The following LACTB2 variants were observed in gnomAD, a reference collection of about 807,000 sequenced individuals.
The protein encoded by LACTB2 is endoribonuclease LACTB2.
LACTB2 carries 32 observed loss-of-function variants against 34.8 expected under a neutral mutation model. The observed-to-expected ratio is 0.92, with a 90% CI of 0.69 to 1.24. The LOEUF is 1.24. Ranked by LOEUF, LACTB2 falls within the 50% of genes most tolerant of loss-of-function variation. The probability of loss-of-function intolerance (pLI) is 0.00; values close to 1 mark genes in which losing one functional copy is unlikely to be tolerated. For synonymous variants in LACTB2, 120 were observed against 117.5 expected, an observed-to-expected ratio of 1.02 and a Z score of -0.14; for missense variants, 320 against 345.0, an observed-to-expected ratio of 0.93 and a Z score of 0.57.
Position 70,638,643 on chromosome 8 carries a change from G to A in LACTB2, c.742-14C>T, listed in dbSNP as rs747945693. The stretch of plus-strand genomic sequence containing the variant: ...CTCAGGAGTATTCTAAAAGAAAAAT[G>A]AAGGTGAAAAAAATTCCTTTTTTTT... On this transcript the variant is annotated splice_polypyrimidine_tract_variant and intron_variant, in intron 5 of 6. Transcript: ENST00000276590. 2 of 1,352,420 alleles carry A rather than the reference G, an allele frequency of 1.5e-6. No individual in the cohort carries two copies. Among genetic ancestry groups the A allele is most frequent in the Middle Eastern group, 2.3e-4 (1 of 4,360 alleles). The allele number at this position is 1,352,420 out of a possible 1,614,324, so 83.8% of individuals were successfully genotyped here.
rs180986456 is a variant in LACTB2 at position 70,650,085 on chromosome 8, G to A, written c.414-5842C>T. Among the ~76,000 whole-genome samples, 1,165 of 152,086 alleles carry A rather than the reference G, an allele frequency of 7.7e-3. 4 individuals are homozygous for A. The highest frequency in any genetic ancestry group is 0.014 in the Middle Eastern group (4 of 294). ...GCAGCCTTGAACTCCTGGCATCAAG[G>A]GATCCTCCCACCTTCATCTCCCAAA... On this transcript the variant is annotated intron_variant, in intron 3 of 6. Transcript: ENST00000276590.
At chr8:70,645,387 G>A (rs907609383) in intron 3 of LACTB2, among the ~76,000 whole-genome samples, 5 of 152,080 alleles carry the variant, frequency 3.3e-5, no homozygotes, top group Admixed American at 3.3e-4. Flanking sequence ...CATAGCAGAT[G>A]GCACAAAATT....
intron 5 of LACTB2, 197 bp downstream of exon 5, chr8:70,640,705 C>T (rs1309403552): frequency 2.1e-5 from 10 of 485,950 alleles, no homozygotes; most frequent in Admixed American, 1.4e-4. Flanking sequence ...AATGATGGCT[C>T]GAAATGGCTA....
intron 4 of LACTB2, among the ~76,000 whole-genome samples, chr8:70,642,385 C>T (rs576370623): frequency 2.0e-5 from 3 of 152,188 alleles, no homozygotes; most frequent in African/African-American, 7.2e-5. Context: ...GTTGAAGATA[C>T]TGGATGGACG....
chr8:70,657,642 G>C (rs887441960), intron 3 of LACTB2, 114 bp downstream of exon 3: 9 of 1,020,888 alleles, frequency 8.8e-6, no homozygotes, highest in Non-Finnish European at 1.2e-5. Context: ...TGAACTCCTG[G>C]GCTCAAACGA....
intron 3 of LACTB2, among the ~76,000 whole-genome samples, chr8:70,655,763 A>G (rs1443440918): frequency 6.6e-6 from 1 of 152,178 alleles, no homozygotes; most frequent in Non-Finnish European, 1.5e-5. Context: ...TAGTTCTTTA[A>G]GGAATCTCCA....
At chr8:70,642,304 T>C (rs1313573883) in intron 4 of LACTB2, among the ~76,000 whole-genome samples, 1 of 152,112 alleles carries the variant, frequency 6.6e-6, no homozygotes, top group Non-Finnish European at 1.5e-5. Context: ...ATCATATAAA[T>C]CTAAATGCCC....
chr8:70,667,576 A>C (rs1818547806), intron 1 of LACTB2, among the ~76,000 whole-genome samples: 1 of 152,196 alleles, frequency 6.6e-6, no homozygotes, highest in Non-Finnish European at 1.5e-5. Context: ...GAGACTATAA[A>C]TCTGCTTTTC....
intron 2 of LACTB2, chr8:70,660,726 T>A: frequency 4.4e-6 from 2 of 456,278 alleles, no homozygotes; most frequent in South Asian, 3.1e-5. Flanking sequence ...CACTTTACGC[T>A]CTCTTCCCTT....
intron 3 of LACTB2, among the ~76,000 whole-genome samples, chr8:70,656,692 A>G (rs1210200604): frequency 1.3e-5 from 2 of 151,922 alleles, no homozygotes; most frequent in Admixed American, 1.3e-4. Context: ...TGAATTTTAG[A>G]ATTGTTTTTT....
chr8:70,654,183 A>G (rs1380126580), intron 3 of LACTB2, among the ~76,000 whole-genome samples: 2 of 152,348 alleles, frequency 1.3e-5, no homozygotes, highest in East Asian at 1.9e-4. Flanking sequence ...CGTTCTTGAT[A>G]TAAGTAACAT....
chr8:70,640,738 TTTG>T (rs1818185755), intron 5 of LACTB2, 161 bp downstream of exon 5: 1 of 761,418 alleles, frequency 1.3e-6, no homozygotes, highest in African/African-American at 1.8e-5. Flanking sequence ...AAGGCCAGTT[TTTG>T]TTTAATTTTA....
intron 4 of LACTB2, among the ~76,000 whole-genome samples, chr8:70,641,934 A>G (rs1162143657): frequency 3.3e-5 from 5 of 152,138 alleles, no homozygotes; most frequent in Non-Finnish European, 7.3e-5. Context: ...GAATCTCTCT[A>G]AGCTGTTTCT....
chr8:70,643,954 A>G (rs1381697470), intron 4 of LACTB2, 111 bp downstream of exon 4: 15 of 1,123,506 alleles, frequency 1.3e-5, no homozygotes, highest in Non-Finnish European at 1.8e-5. Context: ...TGGGAGGTTG[A>G]GGTGGGAGGA....
chr8:70,658,866 CA>C (rs749678879), intron 2 of LACTB2, among the ~76,000 whole-genome samples: 4 of 152,078 alleles, frequency 2.6e-5, no homozygotes, highest in Admixed American at 6.5e-5. Flanking sequence ...CTCTACTAAA[CA>C]TACAAAAAAA....
chr8:70,665,412 TATTTC>T (rs1162520182), intron 1 of LACTB2, among the ~76,000 whole-genome samples: 2 of 152,210 alleles, frequency 1.3e-5, no homozygotes, highest in Non-Finnish European at 2.9e-5. Flanking sequence ...TTGTTATAGG[TATTTC>T]ATGTCAATAT....
intron 3 of LACTB2, among the ~76,000 whole-genome samples, chr8:70,645,273 G>A (rs1818249063): frequency 6.6e-6 from 1 of 152,018 alleles, no homozygotes; most frequent in Non-Finnish European, 1.5e-5. Context: ...GTGCCACCAC[G>A]CTTGGCTAAT....
intron 6 of LACTB2, 146 bp downstream of exon 6, chr8:70,638,402 T>C (rs1818150281): frequency 1.2e-6 from 1 of 823,378 alleles, no homozygotes; most frequent in Admixed American, 4.3e-5. Flanking sequence ...CCTGTGCTAC[T>C]GACCTTCCTA....
chr8:70,645,044 A>G (rs1003359811), intron 3 of LACTB2, among the ~76,000 whole-genome samples: 3 of 141,938 alleles, frequency 2.1e-5, no homozygotes, highest in Non-Finnish European at 3.1e-5. Flanking sequence ...ATATGTTTAC[A>G]TCATTTTATA....
Sources: allele counts gnomAD v4.1 joint callset (sites outside exome capture counted in the v4.1 genomes callset), GRCh38; gene constraint gnomAD v4.1.1; transcripts MANE v1.5; gene names NCBI Gene and HGNC (gene_info 2026-07-23, HGNC 2026-07-21).